Variants in DEUP1 observed in about 807,000 individuals in gnomAD.
DEUP1 encodes the protein deuterosome assembly protein 1.
DEUP1 carries 82 observed loss-of-function variants against 87.4 expected under a neutral mutation model. That is an observed-to-expected ratio of 0.94 (90% CI 0.78 to 1.13). The LOEUF is 1.13. Ranked by LOEUF, DEUP1 falls within the 50% of genes most tolerant of loss-of-function variation. The pLI, the probability that DEUP1 is intolerant of heterozygous loss-of-function variation, is 0.00. For synonymous variants in DEUP1, 214 were observed against 222.7 expected (o/e 0.96, Z 0.35); for missense variants, 663 against 681.5 (o/e 0.97, Z 0.30).
chr11:93,428,269 A>T (rs1306709785), intron 13 of DEUP1, among the ~76,000 whole-genome samples: 1 of 152,186 alleles, frequency 6.6e-6, no homozygotes, highest in Non-Finnish European at 1.5e-5. Context: ...GCAGCCATAA[A>T]AAATGATGAG....
At chr11:93,376,100 C>T (rs961447069) in intron 7 of DEUP1, among the ~76,000 whole-genome samples, 1 of 152,130 alleles carries the variant, frequency 6.6e-6, no homozygotes, top group African/African-American at 2.4e-5. Context: ...AGGTGCCTAC[C>T]ACCACACCCA....
At chr11:93,412,709 T>G (rs1332516625) in intron 12 of DEUP1, among the ~76,000 whole-genome samples, 1 of 152,170 alleles carries the variant, frequency 6.6e-6, no homozygotes, top group East Asian at 1.9e-4. Flanking sequence ...GCTACTAATT[T>G]TTTTTCACCG....
intron 7 of DEUP1, among the ~76,000 whole-genome samples, chr11:93,373,634 T>TAC (rs1945877715): frequency 7.0e-6 from 1 of 143,732 alleles, no homozygotes; most frequent in African/African-American, 2.5e-5. Context: ...CGTATATATA[T>TAC]ATATATATAT....
intron 6 of DEUP1, 86 bp downstream of exon 6, chr11:93,370,272 C>A: frequency 1.5e-6 from 1 of 682,636 alleles, no homozygotes; most frequent in Non-Finnish European, 2.3e-6. Flanking sequence ...TATTTACAAA[C>A]AGACATGCCA....
intron 13 of DEUP1, among the ~76,000 whole-genome samples, chr11:93,428,454 G>A (rs1948001034): frequency 6.6e-6 from 1 of 151,758 alleles, no homozygotes; most frequent in South Asian, 2.1e-4. Flanking sequence ...GTGGGGTGGG[G>A]GGAGGTGGGA....
chr11:93,360,868 TTCAAAGAAA>T (rs1945138958), intron 4 of DEUP1, among the ~76,000 whole-genome samples: 1 of 107,108 alleles, frequency 9.3e-6, no homozygotes, highest in African/African-American at 3.6e-5. Context: ...TGAAAAAGCA[TTCAAAGAAA>T]TAATAGCTGA....
intron 2 of DEUP1, among the ~76,000 whole-genome samples, chr11:93,352,910 G>A (rs1474153393): frequency 6.6e-6 from 1 of 152,122 alleles, no homozygotes; most frequent in Non-Finnish European, 1.5e-5. Flanking sequence ...TGAGATTTTG[G>A]TGGGGACACA....
Position 93,408,307 on chromosome 11 carries a change from G to T in DEUP1, c.1403G>T (p.Arg468Leu). 6.3e-7 allele frequency: 1 copy of T among 1,580,470 alleles called. No homozygotes were observed. Among genetic ancestry groups the T allele is most frequent in the Non-Finnish European group, 8.6e-7 (1 of 1,161,888 alleles). The part of the protein sequence containing the change: ...NKLQYENERL[R>L]NDLAKLHVNG... ...CTGCAATATGAGAATGAAAGGCTCC[G>T]AAATGATCTTGCAAAACTTCATGTC... The change falls in exon 12 of 14, where the codon CGA (arginine) becomes CTA (leucine). Residue 468 changes from arginine to leucine, a missense_variant. Coordinates refer to ENST00000298050, the MANE Select transcript of DEUP1 (RefSeq NM_181645.4).
chr11:93,379,133 A>G (rs921975852), intron 7 of DEUP1, among the ~76,000 whole-genome samples: 3 of 152,118 alleles, frequency 2.0e-5, no homozygotes, highest in African/African-American at 7.2e-5. Context: ...AATATCCCCA[A>G]AAATAATTCT....
In DEUP1 at chr11:93,364,270, G is replaced by A; in HGVS notation, c.408G>A (p.Leu136=). 1 of 1,608,976 alleles carries A rather than the reference G, an allele frequency of 6.2e-7. No individual in the cohort carries two copies. The highest frequency in any genetic ancestry group is 8.5e-7 in the Non-Finnish European group (1 of 1,176,614). The change falls in exon 5 of 14, where the codon CTG becomes CTA. Residue 136 remains leucine (L), a synonymous_variant. Transcript: ENST00000298050. ...TTAAAGAAGAAATACCCTTTGAACTGAGCAATTTGAACCAGAAATTAGAGG... is the reference window on the plus strand; with the variant it reads ...TTAAAGAAGAAATACCCTTTGAACTAAGCAATTTGAACCAGAAATTAGAGG... ...PHLKEEIPFE[L]SNLNQKLEEF... is the part of the protein sequence containing the mutation.
chr11:93,408,139 G>T, intron 11 of DEUP1, 92 bp from the exon 12 acceptor site: 1 of 903,788 alleles, frequency 1.1e-6, no homozygotes, highest in Non-Finnish European at 1.6e-6. Flanking sequence ...TCAAATGAAA[G>T]GGCCTTTCCA....
At chr11:93,331,329 G>A (rs1943468035) in intron 1 of DEUP1, among the ~76,000 whole-genome samples, 1 of 150,460 alleles carries the variant, frequency 6.6e-6, no homozygotes, top group Admixed American at 6.6e-5. Context: ...TATCGTCATA[G>A]ATTATTTTTT....
At chr11:93,339,267 C>T (rs150147235) in intron 2 of DEUP1, among the ~76,000 whole-genome samples, 108 of 152,312 alleles carry the variant, frequency 7.1e-4, no homozygotes, top group Non-Finnish European at 1.1e-3. Flanking sequence ...AATCCACTGG[C>T]CAACCCATAG....
chr11:93,399,054 T>C (rs1224199079), intron 11 of DEUP1, among the ~76,000 whole-genome samples: 1 of 152,068 alleles, frequency 6.6e-6, no homozygotes, highest in Non-Finnish European at 1.5e-5. Flanking sequence ...CTTTTCCAAA[T>C]CTGTTGTTTG....
rs1228387858 is a variant in DEUP1, at chr11:93,406,479, C to T, written c.1327-1752C>T. ...TTTGTACAAAATTAATACCAAATAACTAAATAATTAAATGTAAAATAATGA... is the reference window on the plus strand; with the variant it reads ...TTTGTACAAAATTAATACCAAATAATTAAATAATTAAATGTAAAATAATGA... On this transcript the variant is annotated intron_variant, in intron 11 of 13. Transcript: ENST00000298050. Among the ~76,000 whole-genome samples the T allele has an allele frequency of 3.3e-5, 5 of 151,188 alleles. No homozygotes were observed. In the South Asian group the frequency reaches 1.0e-3, roughly 32 times the overall value.
chr11:93,430,529 T>G (rs1048621175), intron 13 of DEUP1, among the ~76,000 whole-genome samples: 2 of 152,102 alleles, frequency 1.3e-5, no homozygotes, highest in African/African-American at 4.8e-5. Context: ...AATAGCCAAA[T>G]AGGTAAATGA....
rs111535253 is a variant in DEUP1 at position 93,373,456 on chromosome 11, A to C, written c.789+2176A>C. ...AGAACGTAAGTAGGAGCAATAACAA[A>C]ATGATGTTTCGTTTTCCATTCCTGA... On this transcript the variant is annotated intron_variant, in intron 7 of 13. Transcript: ENST00000298050. Among the ~76,000 whole-genome samples the C allele has an allele frequency of 1.5e-3, 222 of 151,842 alleles. 1 individual carries two copies. The highest frequency in any genetic ancestry group is 5.1e-3 in the African/African-American group (212 of 41,378).
intron 13 of DEUP1, among the ~76,000 whole-genome samples, chr11:93,434,478 A>G (rs1281575234): frequency 2.0e-5 from 3 of 152,282 alleles, no homozygotes; most frequent in South Asian, 2.1e-4. Context: ...CACATTCCTC[A>G]CTGCCTCTGT....
At position 93,437,549 on chromosome 11, in the gene DEUP1, C is replaced by A. The variant is rs998012755; in HGVS notation, c.1645C>A (p.Pro549Thr). Residue 549 changes from proline (P) to threonine (T), a missense_variant, in exon 14 of 14, where the codon CCA (proline) becomes ACA (threonine). Physicochemically the swap from Pro to Thr is conservative, Grantham distance 38 (BLOSUM62 -1). Coordinates refer to ENST00000298050, the MANE Select transcript of DEUP1 (RefSeq NM_181645.4). ...SDDDVFPLSP[P>T]DMSFPASLAA... Reference sequence around the variant, plus strand: ...TCTTTCTTTCTCTCTTTAGTCTCCCCCAGATATGTCCTTCCCAGCATCTTT... The same window carrying A: ...TCTTTCTTTCTCTCTTTAGTCTCCCACAGATATGTCCTTCCCAGCATCTTT... The A allele has an allele frequency of 6.2e-7, 1 of 1,610,112 alleles. No homozygotes were observed. The highest frequency in any genetic ancestry group is 8.5e-7 in the Non-Finnish European group (1 of 1,178,670).
Sources: allele counts gnomAD v4.1 joint callset (sites outside exome capture counted in the v4.1 genomes callset), GRCh38; gene constraint gnomAD v4.1.1; transcripts MANE v1.5; gene names NCBI Gene and HGNC (gene_info 2026-07-23, HGNC 2026-07-21).